The following PRRG1 variants were observed in gnomAD, a reference collection of about 807,000 sequenced individuals.
PRRG1 encodes proline rich and Gla domain 1.
In PRRG1, 5 loss-of-function variants were observed where a neutral mutation model predicts 11.8. The ratio of observed to expected loss-of-function variants is 0.42; its 90% confidence interval spans 0.22 to 0.89. The LOEUF (loss-of-function observed/expected upper bound fraction) is 0.89, where lower values mean the gene tolerates loss of function less well. Among genes scored for constraint, PRRG1 ranks in the 40% least tolerant of loss-of-function variants. The pLI is 0.28. For synonymous variants in PRRG1, 66 were observed against 60.4 expected (o/e 1.09, Z -0.43); for missense variants, 155 against 166.1 (o/e 0.93, Z 0.37).
chrX:37,396,905 T>C (rs1556378342), intron 1 of PRRG1, among the ~76,000 whole-genome samples: 2 of 112,053 alleles, frequency 1.8e-5, no homozygotes, highest in African/African-American at 6.5e-5. Context: ...ACCCACTAGA[T>C]GTCAGCAGCA....
intron 1 of PRRG1, among the ~76,000 whole-genome samples, chrX:37,366,736 ATGGGATATTCCT>A (rs2146928583): frequency 8.9e-6 from 1 of 111,934 alleles, no homozygotes; most frequent in South Asian, 3.8e-4. Context: ...TATATGTACT[ATGGGATATTCCT>A]TGAGCCTTCT....
chrX:37,385,304 C>T (rs1207897803), intron 1 of PRRG1, among the ~76,000 whole-genome samples: 3 of 110,518 alleles, frequency 2.7e-5, no homozygotes, highest in South Asian at 7.8e-4. Context: ...TCAGGGTAGT[C>T]GTTACCCTTA....
intron 3 of PRRG1, among the ~76,000 whole-genome samples, chrX:37,432,126 C>G (rs1181733540): frequency 1.5e-4 from 15 of 97,480 alleles, no homozygotes; most frequent in African/African-American, 5.9e-4. Context: ...CTCGCTCTGT[C>G]GCCCAGGCTG....
chrX:37,383,326 G>A (rs5964298), intron 1 of PRRG1, among the ~76,000 whole-genome samples: 1 of 111,629 alleles, frequency 9.0e-6, no homozygotes, highest in Non-Finnish European at 1.9e-5. Context: ...TCTTTACTTA[G>A]AAAGTCTTTA....
chrX:37,359,071 G>A (rs1172116139), intron 1 of PRRG1, among the ~76,000 whole-genome samples: 1 of 112,070 alleles, frequency 8.9e-6, no homozygotes, highest in Non-Finnish European at 1.9e-5. Context: ...ATCATGTCAT[G>A]TGTGAACAAA....
intron 1 of PRRG1, among the ~76,000 whole-genome samples, chrX:37,398,079 C>A (rs1556378790): frequency 9.2e-6 from 1 of 109,015 alleles, no homozygotes; most frequent in Admixed American, 9.8e-5. Context: ...ATAGCAGTAA[C>A]CTCTGCAGAC....
Position 37,366,581 on chromosome X carries a change from ACCAG to A in PRRG1, c.-42+17190_-42+17193del, listed in dbSNP as rs782517241. 2.6e-3 allele frequency among the ~76,000 whole-genome samples: 291 copies of A among 112,086 alleles called. 1 individual carries two copies. The highest frequency in any genetic ancestry group is 9.0e-3 in the African/African-American group (279 of 30,831). ...AATTCATCTGGGCCAAATCTCCTTT[ACCAG>A]CCAAATCAATGGAAGTGTGGCAAGC... On this transcript the variant is annotated intron_variant, in intron 1 of 3. Transcript: ENST00000378628.
At chrX:37,351,977 C>T (rs782053933) in intron 1 of PRRG1, among the ~76,000 whole-genome samples, 1 of 112,361 alleles carries the variant, frequency 8.9e-6, no homozygotes, top group South Asian at 3.7e-4. Context: ...TGTTACAGTT[C>T]CCTGATAGGC....
At chrX:37,441,220 A>G in intron 3 of PRRG1, 1 of 791,188 alleles carries the variant, frequency 1.3e-6, no homozygotes, top group Non-Finnish European at 1.5e-6. Context: ...TTGTAAAATG[A>G]GAAGAAGCTA....
intron 1 of PRRG1, among the ~76,000 whole-genome samples, chrX:37,379,838 A>T (rs1396289573): frequency 4.5e-5 from 5 of 111,846 alleles, no homozygotes; most frequent in African/African-American, 1.6e-4. Flanking sequence ...CTCTGTGCCA[A>T]CTAAGTGTTG....
intron 1 of PRRG1, among the ~76,000 whole-genome samples, chrX:37,377,184 G>A (rs1930998126): frequency 8.9e-6 from 1 of 111,925 alleles, no homozygotes; most frequent in African/African-American, 3.2e-5. Flanking sequence ...ATCTGTCCAT[G>A]ATATACTTTG....
rs1348495437 is a variant in PRRG1, at chrX:37,454,623, C to T, written c.*1002C>T. On this transcript the variant is annotated 3_prime_UTR_variant, in exon 4 of 4. Transcript: ENST00000378628. ...TTAATATTTTTATATAGGCTGATGT[C>T]TTTGCCTCAAGATTGTTAGGAGGTA... The T allele has an allele frequency of 1.8e-5, 2 of 111,729 alleles. No homozygotes were observed. The highest frequency in any genetic ancestry group is 3.7e-4 in the South Asian group (1 of 2,680). The allele number at this position is 111,729 out of a possible 1,213,427, so 9.2% of individuals were successfully genotyped here.
intron 3 of PRRG1, 86 bp downstream of exon 3, chrX:37,426,086 AT>A (rs1316333667): frequency 2.6e-5 from 25 of 943,568 alleles, no homozygotes; most frequent in Non-Finnish European, 3.4e-5. Context: ...AATTATGTAC[AT>A]TGCTAGCAAT....
At chrX:37,440,274 A>G (rs1159282482) in intron 3 of PRRG1, among the ~76,000 whole-genome samples, 1 of 111,900 alleles carries the variant, frequency 8.9e-6, no homozygotes, top group Non-Finnish European at 1.9e-5. Flanking sequence ...CATTAGCATC[A>G]TACCATGTAG....
intron 3 of PRRG1, among the ~76,000 whole-genome samples, chrX:37,434,439 C>T (rs782414621): frequency 8.9e-6 from 1 of 111,904 alleles, no homozygotes; most frequent in South Asian, 3.7e-4. Context: ...TGCACAAAGG[C>T]TTATATGAGC....
At chrX:37,426,041 A>G (rs1932768585) in intron 3 of PRRG1, 41 bp downstream of exon 3, 4 of 1,111,555 alleles carry the variant, frequency 3.6e-6, no homozygotes, top group South Asian at 4.6e-5. Flanking sequence ...AGATTTGCCT[A>G]CCTTTTTGAT....
chrX:37,425,733 G>A (rs1488593833), intron 2 of PRRG1, 107 bp from the exon 3 acceptor site: 25 of 690,403 alleles, frequency 3.6e-5, no homozygotes, highest in Non-Finnish European at 1.7e-5. Flanking sequence ...GCTGACTCAC[G>A]GAAAGAGGTT....
intron 3 of PRRG1, among the ~76,000 whole-genome samples, chrX:37,446,984 A>T (rs1556395378): frequency 2.7e-5 from 3 of 111,415 alleles, no homozygotes; most frequent in African/African-American, 9.8e-5. Context: ...ACCTCCCACT[A>T]CAGCCCATCT....
chrX:37,448,165 C>T (rs782777586), intron 3 of PRRG1, among the ~76,000 whole-genome samples: 1 of 112,073 alleles, frequency 8.9e-6, no homozygotes, highest in East Asian at 2.8e-4. Flanking sequence ...AACGAAGCAA[C>T]GAAAGCATAG....
Sources: allele counts gnomAD v4.1 joint callset (sites outside exome capture counted in the v4.1 genomes callset), GRCh38; gene constraint gnomAD v4.1.1; transcripts MANE v1.5; gene names NCBI Gene and HGNC (gene_info 2026-07-23, HGNC 2026-07-21).